Variants in ZNF585B observed in about 807,000 individuals in gnomAD.
ZNF585B encodes zinc finger protein 41-like protein.
ZNF585B carries 7 observed loss-of-function variants against 14.0 expected under a neutral mutation model. The observed-to-expected ratio is 0.50, with a 90% CI of 0.28 to 0.94. ZNF585B has a LOEUF of 0.94. Among genes scored for constraint, ZNF585B ranks in the 40% least tolerant of loss-of-function variants. ZNF585B has a pLI of 0.09. For synonymous variants in ZNF585B, 290 were observed against 317.3 expected, an observed-to-expected ratio of 0.91 and a Z score of 0.91; for missense variants, 750 against 924.4, an observed-to-expected ratio of 0.81 and a Z score of 2.45.
At chr19:37,208,129 C>T (rs1343865240) in intron 1 of ZNF585B, among the ~76,000 whole-genome samples, 1 of 152,148 alleles carries the variant, frequency 6.6e-6, no homozygotes, top group Non-Finnish European at 1.5e-5. Flanking sequence ...TGCGACACCA[C>T]GCCCAGCTAA....
intron 2 of ZNF585B, among the ~76,000 whole-genome samples, chr19:37,200,549 C>CAAAAAAAAA (rs368092726): frequency 2.0e-5 from 1 of 48,790 alleles, no homozygotes; most frequent in African/African-American, 7.8e-5. Context: ...GATTCTGTCT[C>CAAAAAAAAA]AAAAAAAAAA....
At chr19:37,193,194 G>A (rs1479357212) in intron 2 of ZNF585B, among the ~76,000 whole-genome samples, 1 of 151,936 alleles carries the variant, frequency 6.6e-6, no homozygotes, top group Admixed American at 6.6e-5. Flanking sequence ...AAATAGGGCT[G>A]GACATGGTGG....
rs765969374 is a variant in ZNF585B at position 37,185,207 on chromosome 19, G to A, written c.*20C>T. The stretch of plus-strand genomic sequence containing the variant: ...ACAATCAGACCCAACCCTCAGGGGG[G>A]TTTTCTCACACTGTTTCTCTCAAGC... On this transcript the variant is annotated 3_prime_UTR_variant, in exon 5 of 5. Transcript: ENST00000532828. 5 of 1,592,452 alleles carry A rather than the reference G, an allele frequency of 3.1e-6. No individual in the cohort carries two copies. Among genetic ancestry groups the A allele is most frequent in the Middle Eastern group, 1.7e-4 (1 of 5,952 alleles).
Position 37,206,958 on chromosome 19 carries a change from C to T in ZNF585B, c.72+82G>A. On this transcript the variant is annotated intron_variant, in intron 2 of 4. Coordinates refer to ENST00000532828, the MANE Select transcript of ZNF585B (RefSeq NM_152279.4). ...CAGCTGGTTCCTAAGGCCTGTCTGC[C>T]TCTGCCCTAAGGCTGTGGTGACAGA... 1.9e-6 allele frequency: 3 copies of T among 1,565,494 alleles called. No individual in the cohort carries two copies. The South Asian group carries it at 3.4e-5, about 18-fold the overall frequency.
rs1972317747 is a variant in ZNF585B, at chr19:37,185,165, C to T, written c.*62G>A. 1.3e-6 allele frequency: 2 copies of T among 1,489,722 alleles called. No homozygotes were observed. Among genetic ancestry groups the T allele is most frequent in the African/African-American group, 1.4e-5 (1 of 71,216 alleles). The allele number at this position is 1,489,722 out of a possible 1,614,324, so 92.3% of individuals were successfully genotyped here. On this transcript the variant is annotated 3_prime_UTR_variant, in exon 5 of 5. Coordinates refer to ENST00000532828, the MANE Select transcript of ZNF585B (RefSeq NM_152279.4). ...CAATAATATACATATTTTTCTGCTG[C>T]ATGCGTGCAACAGTGTACAATCAGA...
At chr19:37,189,781 G>C (rs76548873) in intron 3 of ZNF585B, 28 bp from the exon 4 acceptor site, 13 of 1,613,490 alleles carry the variant, frequency 8.1e-6, no homozygotes, top group Non-Finnish European at 1.1e-5. Flanking sequence ...TAAAGGTCTG[G>C]GTCCAGCTAA....
Position 37,189,923 on chromosome 19 carries a change from C to A in ZNF585B, c.199+101G>T, listed in dbSNP as rs1409205836. The A allele has an allele frequency of 2.5e-6, 4 of 1,572,142 alleles. No homozygotes were observed. The East Asian group carries it at 9.0e-5, about 35-fold the overall frequency. On this transcript the variant is annotated intron_variant, in intron 3 of 4. Transcript: ENST00000532828. ...CAGAGAACCCTGGAGGAAAAAAGGA[C>A]AAAACCATCACCTATCTAAGATGCC... is the stretch of plus-strand genomic sequence containing the variant.
chr19:37,195,489 T>G (rs1248403979), intron 2 of ZNF585B, among the ~76,000 whole-genome samples: 9 of 149,086 alleles, frequency 6.0e-5, no homozygotes, highest in Non-Finnish European at 1.3e-4. Context: ...ACTAGACTGA[T>G]GAAAATAAAA....
At chr19:37,193,353 C>G (rs1423710125) in intron 2 of ZNF585B, among the ~76,000 whole-genome samples, 3 of 151,704 alleles carry the variant, frequency 2.0e-5, no homozygotes, top group African/African-American at 7.3e-5. Flanking sequence ...CGCCTGTAGT[C>G]CCAGCTAGTC....
At chr19:37,207,363 C>G in intron 1 of ZNF585B, 109 bp from the exon 2 acceptor site, 2 of 761,516 alleles carry the variant, frequency 2.6e-6, no homozygotes, top group Non-Finnish European at 3.7e-6. Flanking sequence ...GGTTCCCAAA[C>G]GTAGGTATGC....
rs112692788 is a variant in ZNF585B, at chr19:37,210,145, A to T, written c.-144+296T>A. On this transcript the variant is annotated intron_variant, in intron 1 of 4. Transcript: ENST00000532828. ...TTGTTAATCTTTATATTACAGGCTG[A>T]AATGGAAAGAACTGAACTTTCAACT... is the stretch of plus-strand genomic sequence containing the variant. Among the ~76,000 whole-genome samples, 1,037 of 152,298 alleles carry T rather than the reference A, an allele frequency of 6.8e-3. 17 individuals are homozygous for T. Among genetic ancestry groups the T allele is most frequent in the African/African-American group, 0.024 (996 of 41,560 alleles).
In ZNF585B at chr19:37,207,212, G is replaced by A; in HGVS notation, c.-101C>T. On this transcript the variant is annotated 5_prime_UTR_variant, in exon 2 of 5. Transcript: ENST00000532828. Reference sequence around the variant, plus strand: ...CTCCGAAGAGGTGGGCTGGAGTCTGGAGGAAGGTCTGGCCCAGGGACTCCC... The same window carrying A: ...CTCCGAAGAGGTGGGCTGGAGTCTGAAGGAAGGTCTGGCCCAGGGACTCCC... The A allele has an allele frequency of 1.3e-6, 2 of 1,565,654 alleles. No homozygotes were observed. The highest frequency in any genetic ancestry group is 1.7e-6 in the Non-Finnish European group (2 of 1,158,670).
At position 37,184,408 on chromosome 19, in the gene ZNF585B, GAAAGAAAGAGAAAGAAAGAAAAA is replaced by G. The variant is rs1568504787; in HGVS notation, c.*796_*818del. The G allele has an allele frequency of 2.2e-4, 12 of 53,976 alleles. 1 individual carries two copies. The highest frequency in any genetic ancestry group is 7.5e-4 in the African/African-American group (8 of 10,644). 3.3% of individuals were successfully genotyped at this position (53,976 alleles called of 1,614,324 possible). On this transcript the variant is annotated 3_prime_UTR_variant, in exon 5 of 5. Coordinates refer to ENST00000532828, the MANE Select transcript of ZNF585B (RefSeq NM_152279.4). ...AGAAAGAAAGAAAGAAAGAAAGAAA[GAAAGAAAGAGAAAGAAAGAAAAA>G]GAAAGAAAGAAGGAAAGAAAGAAAG...
chr19:37,207,994 G>T (rs1972604575), intron 1 of ZNF585B, among the ~76,000 whole-genome samples: 1 of 151,900 alleles, frequency 6.6e-6, no homozygotes, highest in African/African-American at 2.4e-5. Flanking sequence ...TTTCTTTTAA[G>T]ATGGGGTCTC....
intron 2 of ZNF585B, among the ~76,000 whole-genome samples, chr19:37,192,397 G>A (rs937234009): frequency 3.5e-4 from 53 of 151,958 alleles, no homozygotes; most frequent in African/African-American, 1.1e-3. Flanking sequence ...ATGGGGTAAG[G>A]GGGACATTGC....
At position 37,185,261 on chromosome 19, in the gene ZNF585B, G is replaced by T. The variant is rs771919131; in HGVS notation, c.2276C>A (p.Ser759Ter). 2.5e-5 allele frequency: 40 copies of T among 1,613,926 alleles called. No individual in the cohort carries two copies. Among genetic ancestry groups the T allele is most frequent in the Non-Finnish European group, 3.4e-5 (40 of 1,179,884 alleles). ...GCTGCTCTGATGAACACTGAACACT[G>T]ATTTCTGAACGAAGCCTTTCCCACA... ...GICGKGFVQKSVFSVHQSSHA is the reference protein window; with the variant it reads ...GICGKGFVQK The change falls in exon 5 of 5, where the codon TCA becomes TAA. Residue 759 changes from serine to a stop codon, truncating the protein, a stop_gained. Transcript: ENST00000532828. LOFTEE classifies it high-confidence loss of function.
At chr19:37,195,374 A>AAAAAAAAAT in intron 2 of ZNF585B, among the ~76,000 whole-genome samples, 1 of 140,972 alleles carries the variant, frequency 7.1e-6, no homozygotes, top group Non-Finnish European at 1.5e-5. Flanking sequence ...AAAAAAAAAA[A>AAAAAAAAAT]TTCAGGAAAA....
rs543969932 is a variant in ZNF585B at position 37,185,272 on chromosome 19, G to A, written c.2265C>T (p.Phe755=). ...GAACACTGAACACTGATTTCTGAACGAAGCCTTTCCCACAGATGCCACACT... is the reference window on the plus strand; with the variant it reads ...GAACACTGAACACTGATTTCTGAACAAAGCCTTTCCCACAGATGCCACACT... ...PYKCGICGKG[F]VQKSVFSVHQ... Residue 755 remains phenylalanine (F), a synonymous_variant, in exon 5 of 5, where the codon TTC becomes TTT. Transcript: ENST00000532828. The A allele has an allele frequency of 6.2e-6, 10 of 1,613,936 alleles. No individual in the cohort carries two copies. Among genetic ancestry groups the A allele is most frequent in the African/African-American group, 5.3e-5 (4 of 75,038 alleles).
intron 2 of ZNF585B, among the ~76,000 whole-genome samples, chr19:37,200,358 T>A (rs1972518136): frequency 6.6e-6 from 1 of 151,344 alleles, no homozygotes; most frequent in Admixed American, 6.6e-5. Context: ...GAGACCAGCC[T>A]GGCCAATATG....
Sources: gnomAD v4.1 joint callset for allele counts (sites outside exome capture counted in the v4.1 genomes callset) on GRCh38, gnomAD v4.1.1 for gene constraint, MANE v1.5 for transcripts, NCBI Gene and HGNC (gene_info 2026-07-23, HGNC 2026-07-21) for gene names.